The following SLC4A4 variants were observed in gnomAD, a reference collection of about 807,000 sequenced individuals.
SLC4A4 encodes solute carrier family 4 member 4.
SLC4A4 carries 27 observed loss-of-function variants against 111.5 expected under a neutral mutation model. That is an observed-to-expected ratio of 0.24 (90% CI 0.18 to 0.33). SLC4A4 has a LOEUF of 0.33. Among genes scored for constraint, SLC4A4 ranks in the 10% least tolerant of loss-of-function variants. SLC4A4 has a pLI of 1.00. For synonymous variants in SLC4A4, 443 were observed against 463.4 expected, an observed-to-expected ratio of 0.96 and a Z score of 0.57; for missense variants, 909 against 1,315.5, an observed-to-expected ratio of 0.69 and a Z score of 4.78.
intron 2 of SLC4A4, among the ~76,000 whole-genome samples, chr4:71,166,470 A>T (rs1442170253): frequency 1.3e-5 from 2 of 152,218 alleles, no homozygotes; most frequent in African/African-American, 2.4e-5. Flanking sequence ...TAAAAGAAAA[A>T]ATACAGTGTA....
intron 7 of SLC4A4, among the ~76,000 whole-genome samples, chr4:71,420,683 A>C (rs2149019930): frequency 6.6e-6 from 1 of 151,874 alleles, no homozygotes; most frequent in East Asian, 1.9e-4. Flanking sequence ...CCAATATTCA[A>C]CATTCTTAAA....
At chr4:71,246,152 C>A (rs1393123505) in intron 2 of SLC4A4, among the ~76,000 whole-genome samples, 1 of 152,134 alleles carries the variant, frequency 6.6e-6, no homozygotes, top group Non-Finnish European at 1.5e-5. Context: ...CCTCTATGTG[C>A]TCCACTTCAC....
intron 2 of SLC4A4, among the ~76,000 whole-genome samples, chr4:71,099,053 C>G (rs6447019): frequency 0.94 from 143,129 of 152,214 alleles, 67,553 homozygotes; most frequent in East Asian, 1. Flanking sequence ...AGATCATTGA[C>G]GCAGAACATT....
At chr4:71,129,440 T>A (rs1003603359) in intron 2 of SLC4A4, among the ~76,000 whole-genome samples, 1 of 152,192 alleles carries the variant, frequency 6.6e-6, no homozygotes, top group African/African-American at 2.4e-5. Context: ...CCAGTCAGAA[T>A]GGCTGTCATT....
At chr4:71,106,915 A>T (rs1440542844) in intron 2 of SLC4A4, among the ~76,000 whole-genome samples, 1 of 151,460 alleles carries the variant, frequency 6.6e-6, no homozygotes, top group Non-Finnish European at 1.5e-5. Context: ...CTAAAACTTA[A>T]AGTATAATAA....
chr4:71,396,299 T>A (rs1396562596), intron 6 of SLC4A4, among the ~76,000 whole-genome samples: 1 of 152,228 alleles, frequency 6.6e-6, no homozygotes, highest in African/African-American at 2.4e-5. Context: ...AAATATCCTG[T>A]CTTGCCAGTT....
At chr4:71,112,511 G>A (rs922754148) in intron 2 of SLC4A4, among the ~76,000 whole-genome samples, 1 of 152,124 alleles carries the variant, frequency 6.6e-6, no homozygotes, top group African/African-American at 2.4e-5. Context: ...ATGCATAAAG[G>A]AAACAAAATA....
intron 3 of SLC4A4, among the ~76,000 whole-genome samples, chr4:71,332,971 CTCTG>C (rs1234875574): frequency 6.6e-6 from 1 of 152,180 alleles, no homozygotes; most frequent in Admixed American, 6.5e-5. Context: ...ATTGGGAATT[CTCTG>C]TCTGAAAGGT....
intron 18 of SLC4A4, among the ~76,000 whole-genome samples, chr4:71,545,330 C>A (rs905043617): frequency 6.6e-6 from 1 of 151,966 alleles, no homozygotes; most frequent in Non-Finnish European, 1.5e-5. Context: ...TGAATGATAA[C>A]AGTCACCAGG....
In SLC4A4 at chr4:71,101,579, C is replaced by T. The variant is rs567417354; in HGVS notation, c.-2+8787C>T. 2.2e-4 allele frequency among the ~76,000 whole-genome samples: 34 copies of T among 152,274 alleles called. 1 individual carries two copies. In the South Asian group the frequency reaches 4.8e-3, roughly 21 times the overall value. On this transcript the variant is annotated intron_variant, in intron 2 of 26. Coordinates refer to the SLC4A4 transcript ENST00000649996. ...CAGCACACAGCTGGAGATCTGAGAA[C>T]GGGCAGACTGCCTCCTCAGGTGGGT...
chr4:71,092,899 A>G (rs1451371276), intron 2 of SLC4A4, among the ~76,000 whole-genome samples: 2 of 152,078 alleles, frequency 1.3e-5, no homozygotes, highest in African/African-American at 4.8e-5. Flanking sequence ...GATCACGACC[A>G]CCCTGGCCAA....
intron 1 of SLC4A4, among the ~76,000 whole-genome samples, chr4:71,200,027 T>C (rs753370747): frequency 6.6e-6 from 1 of 152,222 alleles, no homozygotes; most frequent in Non-Finnish European, 1.5e-5. Context: ...CTACTTGAGT[T>C]GACAGCTGAT....
At chr4:71,450,052 T>C (rs1292950940) in intron 9 of SLC4A4, among the ~76,000 whole-genome samples, 1 of 152,220 alleles carries the variant, frequency 6.6e-6, no homozygotes, top group Non-Finnish European at 1.5e-5. Context: ...CTTCAGTATA[T>C]TTCTCCAAAC....
intron 2 of SLC4A4, among the ~76,000 whole-genome samples, chr4:71,097,355 T>G (rs1378866976): frequency 2.0e-5 from 3 of 152,222 alleles, no homozygotes; most frequent in African/African-American, 7.2e-5. Context: ...AGACATGATC[T>G]CGTTCTTTTC....
chr4:71,075,208 G>A (rs192401028), intron 1 of SLC4A4, among the ~76,000 whole-genome samples: 1 of 152,116 alleles, frequency 6.6e-6, no homozygotes, highest in African/African-American at 2.4e-5. Context: ...GATAAAAATC[G>A]CAAGAATCTA....
intron 7 of SLC4A4, among the ~76,000 whole-genome samples, chr4:71,435,959 G>A (rs902900870): frequency 6.6e-6 from 1 of 152,202 alleles, no homozygotes; most frequent in Admixed American, 6.5e-5. Context: ...CACTGTTGGT[G>A]AGAGCATAAA....
intron 1 of SLC4A4, among the ~76,000 whole-genome samples, chr4:71,211,998 C>T (rs1718162207): frequency 6.6e-6 from 1 of 152,056 alleles, no homozygotes; most frequent in Non-Finnish European, 1.5e-5. Context: ...TGCAGTGCTC[C>T]CTCACCAAGG....
chr4:71,531,338 A>C (rs1234879126), intron 16 of SLC4A4, among the ~76,000 whole-genome samples: 1 of 152,174 alleles, frequency 6.6e-6, no homozygotes, highest in Non-Finnish European at 1.5e-5. Context: ...GTTATCAGAT[A>C]ATGGCAGTCA....
chr4:71,064,566 AC>A (rs1560700881), intron 1 of SLC4A4, among the ~76,000 whole-genome samples: 1 of 152,188 alleles, frequency 6.6e-6, no homozygotes, highest in African/African-American at 2.4e-5. Context: ...TGAAATGAAA[AC>A]CAAAATAAAA....
Sources: allele counts gnomAD v4.1 joint callset (sites outside exome capture counted in the v4.1 genomes callset), GRCh38; gene constraint gnomAD v4.1.1; transcripts MANE v1.5; gene names NCBI Gene and HGNC (gene_info 2026-07-23, HGNC 2026-07-21).